Variants in MX2 observed in about 807,000 individuals in gnomAD.
The protein encoded by MX2 is MX dynamin like GTPase 2.
In MX2, 51 loss-of-function variants were observed where a neutral mutation model predicts 74.0. The ratio of observed to expected loss-of-function variants is 0.69; its 90% CI spans 0.55 to 0.87. MX2 has a LOEUF of 0.87. Ranked by LOEUF, MX2 falls within the 40% of genes least tolerant of loss-of-function variation. The pLI, the probability that MX2 is intolerant of heterozygous loss-of-function variation, is 0.00. For missense variants in MX2, 832 were observed against 908.7 expected, an observed-to-expected ratio of 0.92 and a Z score of 1.09; for synonymous variants, 369 against 339.3, an observed-to-expected ratio of 1.09 and a Z score of -0.96.
chr21:41,394,938 A>AAGAG (rs372983367), intron 6 of MX2, among the ~76,000 whole-genome samples: 2,827 of 148,354 alleles, frequency 0.019, 101 homozygotes, highest in African/African-American at 0.067. Flanking sequence ...TCAAAAAAGA[A>AAGAG]AGAGAGAGAG....
At chr21:41,374,383 T>A (rs1021345836) in intron 1 of MX2, among the ~76,000 whole-genome samples, 38 of 152,322 alleles carry the variant, frequency 2.5e-4, no homozygotes, top group Admixed American at 2.1e-3. Context: ...AGTCCTGCCC[T>A]GCCCCTCGCC....
intron 1 of MX2, chr21:41,365,233 T>G (rs1403765180): frequency 6.8e-6 from 1 of 146,924 alleles, no homozygotes; most frequent in Non-Finnish European, 1.5e-5. Context: ...GTTTGTTTGT[T>G]TAACTTCTAT....
intron 7 of MX2, among the ~76,000 whole-genome samples, chr21:41,396,593 A>G (rs1179360328): frequency 1.3e-5 from 2 of 152,028 alleles, no homozygotes; most frequent in African/African-American, 4.8e-5. Context: ...GGATCCTACT[A>G]CTGCCTCACA....
At chr21:41,398,308 T>TA (rs113917775) in intron 8 of MX2, among the ~76,000 whole-genome samples, 184 of 147,520 alleles carry the variant, frequency 1.2e-3, no homozygotes, top group African/African-American at 2.9e-3. Flanking sequence ...AAATTCCATC[T>TA]AAAAAAAAAA....
chr21:41,399,143 C>T, intron 9 of MX2, 53 bp from the exon 10 acceptor site: 1 of 1,603,450 alleles, frequency 6.2e-7, no homozygotes, highest in Non-Finnish European at 8.5e-7. Context: ...AACGCCGGTC[C>T]CAGTTCTTTC....
intron 4 of MX2, among the ~76,000 whole-genome samples, chr21:41,381,634 G>A (rs192741352): frequency 4.9e-5 from 7 of 143,370 alleles, no homozygotes; most frequent in Non-Finnish European, 7.5e-5. Context: ...TCAGTGAGCC[G>A]AGATCGTGCC....
intron 1 of MX2, among the ~76,000 whole-genome samples, chr21:41,372,737 C>T (rs768265189): frequency 2.2e-4 from 33 of 152,288 alleles, no homozygotes; most frequent in Middle Eastern, 6.8e-3. Context: ...TCATAAGCAG[C>T]TCCAAATGCC....
At chr21:41,394,243 G>A (rs1226066899) in intron 6 of MX2, among the ~76,000 whole-genome samples, 4 of 150,630 alleles carry the variant, frequency 2.7e-5, no homozygotes, top group Non-Finnish European at 5.9e-5. Flanking sequence ...CAGAGCCCCA[G>A]GTGACCTGGC....
At chr21:41,400,933 C>A (rs1314425119) in intron 10 of MX2, 1 of 152,314 alleles carries the variant, frequency 6.6e-6, no homozygotes, top group Non-Finnish European at 1.5e-5. Context: ...TCTCGAACTC[C>A]TGACCTCAGG....
intron 1 of MX2, among the ~76,000 whole-genome samples, chr21:41,371,400 G>T (rs443099): frequency 0.49 from 74,815 of 152,010 alleles, 21,891 homozygotes; most frequent in East Asian, 0.8. Context: ...AGGAGGACCT[G>T]AAATGGCTCC....
At chr21:41,370,000 G>T (rs1601391035) in intron 1 of MX2, among the ~76,000 whole-genome samples, 1 of 152,352 alleles carries the variant, frequency 6.6e-6, no homozygotes, top group East Asian at 1.9e-4. Flanking sequence ...GTGTTTGCAT[G>T]TGGAGATTGT....
Position 41,380,132 on chromosome 21 carries a change from G to A in MX2, c.558G>A (p.Val186=), listed in dbSNP as rs1356852655. 2 of 1,613,828 alleles carry A rather than the reference G, an allele frequency of 1.2e-6. No individual in the cohort carries two copies. Among genetic ancestry groups the A allele is most frequent in the South Asian group, 1.1e-5 (1 of 91,070 alleles). ...TELELQDPGQ[V]EKEIHKAQNV... ...TAGAGCTTCAGGACCCTGGCCAGGT[G>A]GAGAAAGAGATACACAAAGGTGGGC... The change falls in exon 4 of 14, where the codon GTG becomes GTA. Residue 186 remains valine (V), a synonymous_variant. Coordinates refer to ENST00000330714, the MANE Select transcript of MX2 (RefSeq NM_002463.2). The surrounding 1 kb of genome is among the most constrained non-coding windows in gnomAD (Gnocchi z 4.3).
chr21:41,403,074 G>A (rs2089834740), intron 11 of MX2, 193 bp from the exon 12 acceptor site: 2 of 552,648 alleles, frequency 3.6e-6, no homozygotes, highest in East Asian at 3.1e-5. Context: ...CAGGCTGCAT[G>A]AGGGCTGGAT....
At position 41,390,557 on chromosome 21, in the gene MX2, G is replaced by C. The variant is rs1052545745; in HGVS notation, c.733-8G>C. The C allele has an allele frequency of 1.9e-6, 3 of 1,613,988 alleles. No homozygotes were observed. In the South Asian group the frequency reaches 3.3e-5, roughly 18 times the overall value. ...GTGCTCTTTCTTTGTGCGATTCTTT[G>C]GCATCAGATCAAGGCTCTCATCAAG... On this transcript the variant is annotated splice_region_variant and splice_polypyrimidine_tract_variant and intron_variant, in intron 5 of 13. Transcript: ENST00000330714.
chr21:41,376,776 G>A (rs117041662), intron 1 of MX2, 60 bp from the exon 2 acceptor site: 24,880 of 1,395,472 alleles, frequency 0.018, 281 homozygotes, highest in Middle Eastern at 0.03. Flanking sequence ...TGGCAAAAGT[G>A]CCAACTCAGG....
In MX2 at chr21:41,406,935, C is replaced by T. The variant is rs1391466635; in HGVS notation, c.1842C>T (p.Pro614=). ...ATATGAAGTTGAACTCTCATTTTCCCAGTAATGAGTCTTCGGTTTCCTCCT... is the reference window on the plus strand; with the variant it reads ...ATATGAAGTTGAACTCTCATTTTCCTAGTAATGAGTCTTCGGTTTCCTCCT... ...SQNMKLNSHF[P]SNESSVSSFT... The change falls in exon 13 of 14, where the codon CCC becomes CCT. Residue 614 remains proline, a synonymous_variant. Coordinates refer to ENST00000330714, the MANE Select transcript of MX2 (RefSeq NM_002463.2). 6.2e-7 allele frequency: 1 copy of T among 1,614,078 alleles called. No homozygotes were observed. Among genetic ancestry groups the T allele is most frequent in the Admixed American group, 1.7e-5 (1 of 60,030 alleles).
intron 10 of MX2, among the ~76,000 whole-genome samples, chr21:41,399,972 G>A (rs1012882191): frequency 2.0e-5 from 3 of 152,194 alleles, no homozygotes; most frequent in South Asian, 4.1e-4. Context: ...CTGGAGGGAA[G>A]CCTGTGCCCA....
At chr21:41,403,432 A>T in intron 12 of MX2, 89 bp downstream of exon 12, 2 of 1,181,702 alleles carry the variant, frequency 1.7e-6, no homozygotes, top group South Asian at 2.4e-5. Context: ...ATTTGGAACC[A>T]TGAGGCCAGG....
At chr21:41,390,728 G>T (rs758187108) in intron 6 of MX2, 25 bp downstream of exon 6, 60 of 1,611,310 alleles carry the variant, frequency 3.7e-5, no homozygotes, top group Non-Finnish European at 4.8e-5. Context: ...CCAAGTGGCC[G>T]GGTGCGGTGG....
Sources: allele counts gnomAD v4.1 joint callset (sites outside exome capture counted in the v4.1 genomes callset), GRCh38; gene constraint gnomAD v4.1.1; non-coding constraint Gnocchi (gnomAD v3.1); transcripts MANE v1.5; gene names NCBI Gene and HGNC (gene_info 2026-07-23, HGNC 2026-07-21).